The following AKAP12 variants were observed in gnomAD, a reference collection of about 807,000 sequenced individuals.
AKAP12 encodes the protein A-kinase anchoring protein 12.
In AKAP12, 32 loss-of-function variants were observed where a neutral mutation model predicts 79.9. That is an observed-to-expected ratio of 0.40 (90% confidence interval 0.30 to 0.54). The LOEUF is 0.54. Among genes scored for constraint, AKAP12 ranks in the 20% least tolerant of loss-of-function variants. The pLI is 0.48. For missense variants in AKAP12, 2,074 were observed against 2,177.0 expected, an observed-to-expected ratio of 0.95 and a Z score of 0.94; for synonymous variants, 808 against 857.0, an observed-to-expected ratio of 0.94 and a Z score of 1.00.
intron 3 of AKAP12, chr6:151,325,544 G>A: frequency 1.6e-6 from 2 of 1,254,336 alleles, no homozygotes; most frequent in Middle Eastern, 3.3e-4. Flanking sequence ...CGGCCCGGGC[G>A]GGGAAGTTTG....
rs1232577566 is a variant in AKAP12, at chr6:151,310,118, T to G, written c.319+4215T>G. 3.3e-5 allele frequency among the ~76,000 whole-genome samples: 5 copies of G among 152,194 alleles called. No homozygotes were observed. In the South Asian group the frequency reaches 8.3e-4, roughly 25 times the overall value. On this transcript the variant is annotated intron_variant, in intron 3 of 4. Coordinates refer to ENST00000402676, the MANE Select transcript of AKAP12 (RefSeq NM_005100.4). ...TGGCTCACACCTGTAATCCCAGCAC[T>G]TTGGGGGGCCGAGGCGAGTGGATCA... is the stretch of plus-strand genomic sequence containing the variant.
intron 2 of AKAP12, among the ~76,000 whole-genome samples, chr6:151,285,248 A>AG (rs1457336301): frequency 4.6e-5 from 7 of 152,216 alleles, no homozygotes; most frequent in Non-Finnish European, 8.8e-5. Context: ...TTTCACTCTC[A>AG]GAACTATTTT....
At chr6:151,316,533 T>C (rs770233403) in intron 3 of AKAP12, among the ~76,000 whole-genome samples, 5 of 152,224 alleles carry the variant, frequency 3.3e-5, no homozygotes, top group Non-Finnish European at 4.4e-5. Flanking sequence ...GAGGCCTCTC[T>C]CTTTTGCTCG....
intron 3 of AKAP12, chr6:151,325,077 A>G (rs1365002152): frequency 1.0e-6 from 1 of 985,478 alleles, no homozygotes; most frequent in Non-Finnish European, 1.2e-6. Context: ...AGCACTTGTT[A>G]GAAGGAACAA....
chr6:151,346,293 A>G (rs566796623), intron 3 of AKAP12, among the ~76,000 whole-genome samples: 1 of 152,184 alleles, frequency 6.6e-6, no homozygotes, highest in African/African-American at 2.4e-5. Context: ...AAAATTACAA[A>G]CCCGGAAAAA....
chr6:151,306,587 G>A (rs938882191), intron 3 of AKAP12, among the ~76,000 whole-genome samples: 1 of 152,044 alleles, frequency 6.6e-6, no homozygotes, highest in Non-Finnish European at 1.5e-5. Flanking sequence ...ATGATGATTC[G>A]GCATACGGTA....
At chr6:151,300,522 A>G (rs1776843125) in intron 2 of AKAP12, among the ~76,000 whole-genome samples, 2 of 152,130 alleles carry the variant, frequency 1.3e-5, no homozygotes, top group African/African-American at 4.8e-5. Flanking sequence ...CAACTTCATT[A>G]AACAGCCTGG....
chr6:151,242,980 A>T (rs935180511), intron 2 of AKAP12, among the ~76,000 whole-genome samples: 10 of 152,202 alleles, frequency 6.6e-5, no homozygotes, highest in Non-Finnish European at 1.5e-4. Context: ...TCATTTCATT[A>T]TCACGTGAGA....
At chr6:151,246,091 G>A (rs1488256856) in intron 2 of AKAP12, among the ~76,000 whole-genome samples, 1 of 152,202 alleles carries the variant, frequency 6.6e-6, no homozygotes, top group African/African-American at 2.4e-5. Context: ...GTCCATAAGT[G>A]TAATTGCTGA....
intron 2 of AKAP12, among the ~76,000 whole-genome samples, chr6:151,290,739 G>A (rs1341437446): frequency 6.6e-6 from 1 of 152,058 alleles, no homozygotes; most frequent in East Asian, 1.9e-4. Context: ...CCGAGTAGCT[G>A]GGATTACAGG....
chr6:151,247,387 C>T (rs768740963), intron 2 of AKAP12, among the ~76,000 whole-genome samples: 2 of 151,844 alleles, frequency 1.3e-5, no homozygotes, highest in Non-Finnish European at 2.9e-5. Context: ...GGTGGCAGAG[C>T]AAGACCCTAT....
chr6:151,344,140 C>A (rs940097383), intron 3 of AKAP12, among the ~76,000 whole-genome samples: 3 of 152,180 alleles, frequency 2.0e-5, no homozygotes, highest in African/African-American at 7.2e-5. Context: ...CGCCTCAGAT[C>A]AAAATAATGA....
intron 3 of AKAP12, among the ~76,000 whole-genome samples, chr6:151,306,778 C>T (rs990257671): frequency 1.3e-5 from 2 of 152,186 alleles, no homozygotes; most frequent in Non-Finnish European, 2.9e-5. Flanking sequence ...GGTGGGAATA[C>T]TTATCTGTAT....
chr6:151,355,145 C>T (rs1156953942), intron 4 of AKAP12, among the ~76,000 whole-genome samples: 1 of 151,372 alleles, frequency 6.6e-6, no homozygotes, highest in Non-Finnish European at 1.5e-5. Context: ...ACAGATAACA[C>T]ACCACCATGC....
intron 3 of AKAP12, chr6:151,348,209 C>T (rs996286218): frequency 3.2e-5 from 11 of 338,766 alleles, no homozygotes; most frequent in Non-Finnish European, 6.4e-5. Flanking sequence ...CGCCTGTAAT[C>T]CCAGCTAATC....
rs758100590 is a variant in AKAP12, at chr6:151,353,403, G to A, written c.5012G>A (p.Gly1671Glu). The A allele has an allele frequency of 6.2e-7, 1 of 1,614,154 alleles. No homozygotes were observed. The highest frequency in any genetic ancestry group is 8.5e-7 in the Non-Finnish European group (1 of 1,180,020). Reference sequence around the variant, plus strand: ...TCTGAGGAAGAGGGAGGTGGAGCTGGAACAAAGTCTGTGCCAGAAGATGAT... The same window carrying A: ...TCTGAGGAAGAGGGAGGTGGAGCTGAAACAAAGTCTGTGCCAGAAGATGAT... ...LPSEEEGGGA[G>E]TKSVPEDDGH... Residue 1671 changes from glycine to glutamate, a missense_variant, in exon 4 of 5, where the codon GGA (glycine) becomes GAA (glutamate). Physicochemically the swap from Gly to Glu is moderately conservative, Grantham distance 98. Around this residue, in one of 3 missense-constraint regions of AKAP12, gnomAD observed 614 missense variants for 665.6 expected, o/e 0.92. Coordinates refer to ENST00000402676, the MANE Select transcript of AKAP12 (RefSeq NM_005100.4).
rs148923114 is a variant in AKAP12, at chr6:151,349,888, G to T, written c.1497G>T (p.Glu499Asp). 1 of 1,614,178 alleles carries T rather than the reference G, an allele frequency of 6.2e-7. No homozygotes were observed. The highest frequency in any genetic ancestry group is 8.5e-7 in the Non-Finnish European group (1 of 1,180,048). ...LSKPPEGVVS[E>D]VEMLSSQERM... ...AACCCCCCGAAGGCGTTGTGAGTGA[G>T]GTGGAAATGCTGTCATCACAGGAGA... The change falls in exon 4 of 5, where the codon GAG becomes GAT. Residue 499 changes from glutamate to aspartate, a missense_variant. This residue lies in a region of AKAP12 where 1,428 missense variants were observed against 1,451.0 expected (regional missense o/e 0.98). Coordinates refer to ENST00000402676, the MANE Select transcript of AKAP12 (RefSeq NM_005100.4).
chr6:151,297,841 T>C (rs1776770722), intron 2 of AKAP12, among the ~76,000 whole-genome samples: 1 of 152,086 alleles, frequency 6.6e-6, no homozygotes, highest in Admixed American at 6.6e-5. Context: ...TGAGGACCAT[T>C]TATAAAAGGT....
In AKAP12 at chr6:151,351,837, C is replaced by T. The variant is rs1280297117; in HGVS notation, c.3446C>T (p.Ser1149Leu). 2 of 1,613,990 alleles carry T rather than the reference C, an allele frequency of 1.2e-6. No individual in the cohort carries two copies. The highest frequency in any genetic ancestry group is 2.2e-5 in the South Asian group (2 of 91,050). ...GCCGAAACCTTAGCTGGGGTAAAAT[C>T]ACAGGAGATGGTGATGGAACAGGCT... ...CQAETLAGVK[S>L]QEMVMEQAIP... Residue 1149 changes from serine to leucine, a missense_variant, in exon 4 of 5, where the codon TCA becomes TTA. Physicochemically the swap from Ser to Leu is moderately radical, Grantham distance 145 (BLOSUM62 -2). Transcript: ENST00000402676. The surrounding 1 kb of genome is among the most constrained non-coding windows in gnomAD (Gnocchi z 4.4).
Sources: gnomAD v4.1 joint callset for allele counts (sites outside exome capture counted in the v4.1 genomes callset) on GRCh38, gnomAD v4.1.1 for gene constraint, gnomAD v4.1.1 regional missense constraint, Gnocchi (gnomAD v3.1) non-coding constraint, MANE v1.5 for transcripts, NCBI Gene and HGNC (gene_info 2026-07-23, HGNC 2026-07-21) for gene names.